The following CTNNA3 variants were observed in gnomAD, a reference collection of about 807,000 sequenced individuals.
CTNNA3 encodes catenin alpha 3, also known as catenin alpha-3.
CTNNA3 carries 76 observed loss-of-function variants against 95.7 expected under a neutral mutation model. The ratio of observed to expected loss-of-function variants is 0.79; its 90% CI spans 0.66 to 0.96. CTNNA3 has a LOEUF of 0.96. Ranked by LOEUF, CTNNA3 falls within the 40% of genes least tolerant of loss-of-function variation. The probability of loss-of-function intolerance (pLI) is 0.00; values close to 1 mark genes in which losing one functional copy is unlikely to be tolerated. For missense variants in CTNNA3, 1,191 were observed against 1,089.8 expected (o/e 1.09, Z -1.31); for synonymous variants, 431 against 374.4 (o/e 1.15, Z -1.74).
chr10:65,994,663 T>C (rs923582567), intron 15 of CTNNA3, among the ~76,000 whole-genome samples: 10 of 152,174 alleles, frequency 6.6e-5, no homozygotes, highest in Non-Finnish European at 1.0e-4. Flanking sequence ...TATTTGGGGC[T>C]CTTTAAGCTT....
chr10:66,297,069 T>C (rs1300839351), intron 12 of CTNNA3, among the ~76,000 whole-genome samples: 2 of 152,180 alleles, frequency 1.3e-5, no homozygotes, highest in Non-Finnish European at 1.5e-5. Flanking sequence ...TTTTACTGAA[T>C]TGAAAACATT....
chr10:66,986,430 G>A (rs1221684799), intron 7 of CTNNA3, among the ~76,000 whole-genome samples: 22 of 152,148 alleles, frequency 1.4e-4, no homozygotes, highest in Admixed American at 1.4e-3. Context: ...CCAGTAGGCA[G>A]AGGTTGCAAT....
intron 7 of CTNNA3, among the ~76,000 whole-genome samples, chr10:67,124,305 C>A (rs1264835740): frequency 6.6e-6 from 1 of 150,882 alleles, no homozygotes; most frequent in Non-Finnish European, 1.5e-5. Flanking sequence ...AGTTCTCTCT[C>A]TCCTCCTGCG....
intron 12 of CTNNA3, among the ~76,000 whole-genome samples, chr10:66,285,235 G>C (rs1208964560): frequency 6.6e-6 from 1 of 151,844 alleles, no homozygotes. Context: ...ATACTAGAGA[G>C]AAAGGACTTA....
At chr10:66,282,808 A>G (rs986877727) in intron 12 of CTNNA3, among the ~76,000 whole-genome samples, 3 of 151,992 alleles carry the variant, frequency 2.0e-5, no homozygotes, top group South Asian at 4.1e-4. Flanking sequence ...CAAGTTTTCA[A>G]TTGTTCCTTG....
intron 9 of CTNNA3, among the ~76,000 whole-genome samples, chr10:66,710,717 T>C (rs1848263310): frequency 6.6e-6 from 1 of 152,080 alleles, no homozygotes; most frequent in East Asian, 1.9e-4. Flanking sequence ...ATAATATATA[T>C]TCTAGACATA....
chr10:67,268,859 T>C (rs541915543), intron 5 of CTNNA3, among the ~76,000 whole-genome samples: 5 of 152,244 alleles, frequency 3.3e-5, no homozygotes, highest in South Asian at 4.1e-4. Context: ...TTTAATTGAG[T>C]TTATAATCTT....
chr10:66,839,856 C>T (rs1195247540), intron 7 of CTNNA3, among the ~76,000 whole-genome samples: 1 of 152,080 alleles, frequency 6.6e-6, no homozygotes, highest in East Asian at 1.9e-4. Flanking sequence ...ACACTTTACT[C>T]CTTAGTGAAA....
In CTNNA3 at chr10:67,263,845, G is replaced by A. The variant is rs148231347; in HGVS notation, c.580-43975C>T. 8.1e-4 allele frequency among the ~76,000 whole-genome samples: 123 copies of A among 152,122 alleles called. 1 individual carries two copies. The highest frequency in any genetic ancestry group is 2.8e-3 in the African/African-American group (118 of 41,512). ...ACAGCCAAAAAGGACACCTACCCCTGGGAACGAGAACTTCAATTCCAATAA... is the reference window on the plus strand; with the variant it reads ...ACAGCCAAAAAGGACACCTACCCCTAGGAACGAGAACTTCAATTCCAATAA... On this transcript the variant is annotated intron_variant, in intron 5 of 17. Transcript: ENST00000433211.
intron 10 of CTNNA3, among the ~76,000 whole-genome samples, chr10:66,613,229 C>T (rs77878921): frequency 0.05 from 7,621 of 152,116 alleles, 212 homozygotes; most frequent in Middle Eastern, 0.099. Flanking sequence ...AGTTTGATGG[C>T]CATGACTTCT....
At position 66,090,373 on chromosome 10, in the gene CTNNA3, AATG is replaced by A. The variant is rs1431360786; in HGVS notation, c.1977+12781_1977+12783del. On this transcript the variant is annotated intron_variant, in intron 14 of 17. Coordinates refer to ENST00000433211, the MANE Select transcript of CTNNA3 (RefSeq NM_013266.4). ...ATAAATGTGAATCCACTCAACAAAT[AATG>A]ATGACAACCGTGATAGTGGTGGTGG... Among the ~76,000 whole-genome samples the A allele has an allele frequency of 2.0e-5, 3 of 152,012 alleles. No individual in the cohort carries two copies. The Admixed American group carries it at 2.0e-4, about 10-fold the overall frequency.
At chr10:67,093,670 C>T (rs373531671) in intron 7 of CTNNA3, among the ~76,000 whole-genome samples, 1 of 151,790 alleles carries the variant, frequency 6.6e-6, no homozygotes. Flanking sequence ...AACTGAAACT[C>T]CCCCCCAACA....
intron 9 of CTNNA3, among the ~76,000 whole-genome samples, chr10:66,702,732 A>AAGT (rs3055636): frequency 0.19 from 25,478 of 134,102 alleles, 2,723 homozygotes; most frequent in Non-Finnish European, 0.25. Context: ...AAAAAAGAAT[A>AAGT]AGTAGTAGTA....
intron 5 of CTNNA3, among the ~76,000 whole-genome samples, chr10:67,464,503 G>A (rs1296711847): frequency 6.6e-6 from 1 of 152,124 alleles, no homozygotes; most frequent in Non-Finnish European, 1.5e-5. Flanking sequence ...CATTTTATTG[G>A]AAGAGCAGAC....
chr10:67,231,836 AC>A (rs1865227305), intron 5 of CTNNA3, among the ~76,000 whole-genome samples: 1 of 152,224 alleles, frequency 6.6e-6, no homozygotes, highest in Non-Finnish European at 1.5e-5. Context: ...GGAGCTGAAA[AC>A]CAAGGCTCAA....
chr10:66,529,444 T>TTTGG (rs373097103), intron 10 of CTNNA3, among the ~76,000 whole-genome samples: 1 of 96,678 alleles, frequency 1.0e-5, no homozygotes. Flanking sequence ...ACAGTGTTTT[T>TTTGG]TTTTTGTTTT....
intron 5 of CTNNA3, among the ~76,000 whole-genome samples, chr10:67,287,324 T>G (rs551140940): frequency 1.3e-5 from 2 of 151,918 alleles, no homozygotes; most frequent in African/African-American, 4.8e-5. Flanking sequence ...GGCAACAGAG[T>G]GAGACTCCAT....
At chr10:67,361,067 C>A (rs557301964) in intron 5 of CTNNA3, among the ~76,000 whole-genome samples, 36 of 151,352 alleles carry the variant, frequency 2.4e-4, no homozygotes, top group African/African-American at 8.7e-4. Flanking sequence ...TTCAATTCAA[C>A]AAGAAGACTT....
chr10:66,459,971 T>G (rs2093517878), intron 11 of CTNNA3, among the ~76,000 whole-genome samples: 1 of 139,708 alleles, frequency 7.2e-6, no homozygotes, highest in African/African-American at 2.6e-5. Context: ...TCACTTTTTG[T>G]TATGATGTAA....
Sources: gnomAD v4.1 joint callset for allele counts (sites outside exome capture counted in the v4.1 genomes callset) on GRCh38, gnomAD v4.1.1 for gene constraint, MANE v1.5 for transcripts, NCBI Gene and HGNC (gene_info 2026-07-23, HGNC 2026-07-21) for gene names.